Variants in TIRAP observed in about 807,000 individuals in gnomAD.
TIRAP encodes the protein toll/interleukin-1 receptor domain-containing adapter protein.
In TIRAP, 20 loss-of-function variants were observed where a neutral mutation model predicts 19.8. That is an observed-to-expected ratio of 1.01 (90% CI 0.71 to 1.47). The LOEUF (loss-of-function observed/expected upper bound fraction) is 1.47, where lower values mean the gene tolerates loss of function less well. Among genes scored for constraint, TIRAP ranks in the 40% most tolerant of loss-of-function variants. The pLI is 0.00. For synonymous variants in TIRAP, 125 were observed against 121.7 expected (o/e 1.03, Z -0.18); for missense variants, 276 against 285.1 (o/e 0.97, Z 0.23).
At position 126,292,679 on chromosome 11, in the gene TIRAP, G is replaced by A. The variant is rs1951413389; in HGVS notation, c.270G>A (p.Val90=). The A allele has an allele frequency of 6.2e-6, 10 of 1,613,888 alleles. No homozygotes were observed. Among genetic ancestry groups the A allele is most frequent in the African/African-American group, 2.7e-5 (2 of 74,942 alleles). ...SRWSKDYDVC[V]CHSEEDLVAA... Reference sequence around the variant, plus strand: ...GGAGCAAAGACTATGACGTCTGCGTGTGCCACAGTGAGGAAGACCTGGTGG... The same window carrying A: ...GGAGCAAAGACTATGACGTCTGCGTATGCCACAGTGAGGAAGACCTGGTGG... Residue 90 remains valine (V), a synonymous_variant, in exon 4 of 5, where the codon GTG becomes GTA. Coordinates refer to ENST00000392679, the MANE Select transcript of TIRAP (RefSeq NM_001318777.2).
chr11:126,291,360 G>T lies in TIRAP; in HGVS notation c.67+399G>T. ...GTCCTTATCAAAGGCTGGGGAAGCT[G>T]TTTTCATCTCCTTATGGAGTCCCAT... On this transcript the variant is annotated intron_variant, in intron 3 of 4. Transcript: ENST00000392679. This position sits in a 1 kb window ranked among gnomAD's most constrained non-coding sequence, Gnocchi z 5.6. 1 of 1,046,480 alleles carries T rather than the reference G, an allele frequency of 9.6e-7. No individual in the cohort carries two copies. The allele number at this position is 1,046,480 out of a possible 1,614,324, so 64.8% of individuals were successfully genotyped here.
chr11:126,285,031 T>C (rs1294003342), intron 1 of TIRAP, among the ~76,000 whole-genome samples: 1 of 152,020 alleles, frequency 6.6e-6, no homozygotes, highest in East Asian at 1.9e-4. Flanking sequence ...CTGTAGCCAT[T>C]TGGCTGAGTG....
Position 126,294,108 on chromosome 11 carries a change from C to A in TIRAP, c.*421C>A. Reference sequence around the variant, plus strand: ...TGGGCACTGGCGTACACTGGTATCCCTCCTAAAGAAGTGACTCACCTGACT... The same window carrying A: ...TGGGCACTGGCGTACACTGGTATCCATCCTAAAGAAGTGACTCACCTGACT... On this transcript the variant is annotated 3_prime_UTR_variant, in exon 5 of 5. Transcript: ENST00000392679. 3.8e-6 allele frequency: 1 copy of A among 262,782 alleles called. No homozygotes were observed. Among genetic ancestry groups the A allele is most frequent in the South Asian group, 4.2e-5 (1 of 23,590 alleles). 16.3% of individuals were successfully genotyped at this position (262,782 alleles called of 1,614,324 possible).
chr11:126,293,810 G>A lies in TIRAP; in HGVS notation c.*123G>A, dbSNP rs1156439187. On this transcript the variant is annotated 3_prime_UTR_variant, in exon 5 of 5. Coordinates refer to ENST00000392679, the MANE Select transcript of TIRAP (RefSeq NM_001318777.2). ...GGGAGTGAGTCACAGCGCTTTGCTC[G>A]TGACCCTGGGATCAGAGCACCCATC... 8 of 1,085,432 alleles carry A rather than the reference G, an allele frequency of 7.4e-6. No homozygotes were observed. Among genetic ancestry groups the A allele is most frequent in the African/African-American group, 1.5e-5 (1 of 64,952 alleles). The allele number at this position is 1,085,432 out of a possible 1,614,324, so 67.2% of individuals were successfully genotyped here.
chr11:126,292,174 CAT>C (rs1270170364), intron 3 of TIRAP, among the ~76,000 whole-genome samples: 8 of 151,706 alleles, frequency 5.3e-5, no homozygotes, highest in Non-Finnish European at 1.2e-4. Context: ...TGTGGTGGTG[CAT>C]GCCTGTAATC....
Position 126,283,140 on chromosome 11 carries a change from G to C in TIRAP, c.-230G>C. On this transcript the variant is annotated 5_prime_UTR_variant, in exon 1 of 5. Transcript: ENST00000392679. ...AGTCCGCGCAGCCCTCATCGCAACT[G>C]GGCCCGCGCGCAGGTGAGCCCGGGG... 1.0e-6 allele frequency: 1 copy of C among 984,998 alleles called. No individual in the cohort carries two copies. The highest frequency in any genetic ancestry group is 1.1e-4 in the East Asian group (1 of 8,782). The allele number at this position is 984,998 out of a possible 1,614,324, so 61.0% of individuals were successfully genotyped here. A position where few individuals can be genotyped will look rare whatever the true frequency, so the allele number is the denominator to read the frequency against.
chr11:126,294,252 T>C lies in TIRAP; in HGVS notation c.*565T>C. The stretch of plus-strand genomic sequence containing the variant: ...AGAATCCAGTCCTTCACACTCACAC[T>C]ACTCTGTTCCTCTTCCCAGAGACAT... On this transcript the variant is annotated 3_prime_UTR_variant, in exon 5 of 5. Transcript: ENST00000392679. 1 of 272,454 alleles carries C rather than the reference T, an allele frequency of 3.7e-6. No individual in the cohort carries two copies. The highest frequency in any genetic ancestry group is 7.3e-6 in the Non-Finnish European group (1 of 137,596). 16.9% of individuals were successfully genotyped at this position (272,454 alleles called of 1,614,324 possible).
rs773226287 is a variant in TIRAP at position 126,291,008 on chromosome 11, G to C, written c.67+47G>C. ...ACTCTGCTGTGTTCCTGAGTGTAGT[G>C]CTCAGCCTCCATAGGGCGCGGTGGG... is the stretch of plus-strand genomic sequence containing the variant. On this transcript the variant is annotated intron_variant, in intron 3 of 4. Coordinates refer to ENST00000392679, the MANE Select transcript of TIRAP (RefSeq NM_001318777.2). The surrounding 1 kb of genome is among the most constrained non-coding windows in gnomAD (Gnocchi z 5.6). 1.7e-5 allele frequency: 26 copies of C among 1,570,726 alleles called. No individual in the cohort carries two copies. The highest frequency in any genetic ancestry group is 1.9e-5 in the Non-Finnish European group (22 of 1,157,294).
chr11:126,286,422 C>T (rs1228370917), intron 1 of TIRAP, among the ~76,000 whole-genome samples: 1 of 152,082 alleles, frequency 6.6e-6, no homozygotes, highest in Non-Finnish European at 1.5e-5. Flanking sequence ...AGGGGGCCAC[C>T]CTAGGTCTGC....
Position 126,292,592 on chromosome 11 carries a change from C to T in TIRAP, c.183C>T (p.Leu61=), listed in dbSNP as rs1381572869. 2 of 1,614,106 alleles carry T rather than the reference C, an allele frequency of 1.2e-6. No homozygotes were observed. Among genetic ancestry groups the T allele is most frequent in the Non-Finnish European group, 1.7e-6 (2 of 1,180,050 alleles). ...TSQDSPLPPS[L]SSVTSPSLPP... ...AGGACAGCCCACTACCCCCAAGCCT[C>T]AGCTCAGTCACGTCTCCCAGCCTGC... The change falls in exon 4 of 5, where the codon CTC becomes CTT. Residue 61 remains leucine, a synonymous_variant. Transcript: ENST00000392679.
rs1176650839 is a variant in TIRAP, at chr11:126,288,907, TA to T, written c.-216-1549del. Among the ~76,000 whole-genome samples the T allele has an allele frequency of 6.6e-6, 1 of 152,072 alleles. No individual in the cohort carries two copies. The highest frequency in any genetic ancestry group is 1.5e-5 in the Non-Finnish European group (1 of 68,024). On this transcript the variant is annotated intron_variant, in intron 1 of 4. Transcript: ENST00000392679. This position sits in a 1 kb window ranked among gnomAD's most constrained non-coding sequence, Gnocchi z 5.0. ...ATTAAAACAGAATTGAAAAAATATT[TA>T]AAAAATGCAAAAACCAAGTGACATC...
chr11:126,290,878 G>A lies in TIRAP; in HGVS notation c.-17G>A. On this transcript the variant is annotated 5_prime_UTR_variant, in exon 3 of 5. Coordinates refer to ENST00000392679, the MANE Select transcript of TIRAP (RefSeq NM_001318777.2). The surrounding 1 kb of genome is among the most constrained non-coding windows in gnomAD (Gnocchi z 4.9). ...ACCAATGCCTGGTCTCACGGGGCTA[G>A]TTTTGACCCCCACGCTATGGCATCA... The A allele has an allele frequency of 1.3e-6, 2 of 1,599,350 alleles. No homozygotes were observed. The highest frequency in any genetic ancestry group is 3.3e-4 in the Middle Eastern group (2 of 6,040).
intron 1 of TIRAP, among the ~76,000 whole-genome samples, chr11:126,285,693 T>C (rs555155716): frequency 2.0e-5 from 3 of 152,226 alleles, no homozygotes; most frequent in East Asian, 1.9e-4. Context: ...ATAGTTGTAT[T>C]ATTTGAGTCT....
Position 126,288,969 on chromosome 11 carries a change from G to A in TIRAP, c.-216-1493G>A, listed in dbSNP as rs532438907. On this transcript the variant is annotated intron_variant, in intron 1 of 4. Coordinates refer to ENST00000392679, the MANE Select transcript of TIRAP (RefSeq NM_001318777.2). The surrounding 1 kb of genome is among the most constrained non-coding windows in gnomAD (Gnocchi z 5.0). ...CTGGGGGCAAAAAGGCATCCTGAAC[G>A]GCCCTAGCTGCAGCCTACCACTTAG... Among the ~76,000 whole-genome samples, 11 of 152,218 alleles carry A rather than the reference G, an allele frequency of 7.2e-5. No individual in the cohort carries two copies. In the South Asian group the frequency reaches 2.3e-3, roughly 32 times the overall value.
Position 126,291,520 on chromosome 11 carries a change from A to G in TIRAP, c.67+559A>G. The G allele has an allele frequency of 1.2e-6, 1 of 836,638 alleles. No individual in the cohort carries two copies. Among genetic ancestry groups the G allele is most frequent in the South Asian group, 1.4e-5 (1 of 72,446 alleles). 51.8% of individuals were successfully genotyped at this position (836,638 alleles called of 1,614,324 possible). ...TTATCTCAGTTAACTTTCAGCAACT[A>G]AGACAGGTCCACAAGTCCACAGTCA... is the stretch of plus-strand genomic sequence containing the variant. On this transcript the variant is annotated intron_variant, in intron 3 of 4. Coordinates refer to ENST00000392679, the MANE Select transcript of TIRAP (RefSeq NM_001318777.2). The surrounding 1 kb of genome is among the most constrained non-coding windows in gnomAD (Gnocchi z 5.6).
chr11:126,293,657 G>A lies in TIRAP; in HGVS notation c.647-11G>A, dbSNP rs745690141. The A allele has an allele frequency of 1.2e-6, 2 of 1,614,064 alleles. No individual in the cohort carries two copies. Among genetic ancestry groups the A allele is most frequent in the East Asian group, 2.2e-5 (1 of 44,882 alleles). The stretch of plus-strand genomic sequence containing the variant: ...GGGAGGTGTGACAACGCTGTGATTG[G>A]TCTCTTTCAGATCTGCAGACACTCA... On this transcript the variant is annotated splice_polypyrimidine_tract_variant and intron_variant, in intron 4 of 4. Coordinates refer to ENST00000392679, the MANE Select transcript of TIRAP (RefSeq NM_001318777.2).
intron 1 of TIRAP, among the ~76,000 whole-genome samples, chr11:126,286,712 C>T (rs1488185481): frequency 6.6e-6 from 1 of 152,222 alleles, no homozygotes; most frequent in Admixed American, 6.5e-5. Flanking sequence ...TAGCACTCAA[C>T]TGAAATCCAA....
At chr11:126,286,194 G>A (rs750777092) in intron 1 of TIRAP, among the ~76,000 whole-genome samples, 1 of 151,782 alleles carries the variant, frequency 6.6e-6, no homozygotes, top group Non-Finnish European at 1.5e-5. Flanking sequence ...GTAAAACCTC[G>A]TGTCTACTAA....
chr11:126,294,839 T>C lies in TIRAP; in HGVS notation c.*1152T>C, dbSNP rs1254202627. The C allele has an allele frequency of 3.8e-6, 1 of 264,470 alleles. No individual in the cohort carries two copies. The highest frequency in any genetic ancestry group is 7.5e-6 in the Non-Finnish European group (1 of 134,166). The allele number at this position is 264,470 out of a possible 1,614,324, so 16.4% of individuals were successfully genotyped here. On this transcript the variant is annotated 3_prime_UTR_variant, in exon 5 of 5. Coordinates refer to ENST00000392679, the MANE Select transcript of TIRAP (RefSeq NM_001318777.2). ...TGCCAGGCGCCATGGCTCACACCTG[T>C]AATCTCAGCACTTTGGGAGGCCGAG...
Sources: allele counts gnomAD v4.1 joint callset (sites outside exome capture counted in the v4.1 genomes callset), GRCh38; gene constraint gnomAD v4.1.1; non-coding constraint Gnocchi (gnomAD v3.1); transcripts MANE v1.5; gene names NCBI Gene and HGNC (gene_info 2026-07-23, HGNC 2026-07-21).